The following RAD18 variants were observed in gnomAD, a reference collection of about 807,000 sequenced individuals.
RAD18 encodes the protein E3 ubiquitin-protein ligase RAD18.
Under a neutral mutation model 60.4 loss-of-function variants are expected in RAD18, and 47 were observed. The ratio of observed to expected loss-of-function variants is 0.78; its 90% confidence interval spans 0.62 to 0.99. RAD18 has a LOEUF of 0.99. Ranked by LOEUF, RAD18 falls within the 50% of genes least tolerant of loss-of-function variation. RAD18 has a pLI of 0.00. For synonymous variants in RAD18, 225 were observed against 195.5 expected (o/e 1.15, Z -1.26); for missense variants, 640 against 593.3 (o/e 1.08, Z -0.82).
Position 8,939,569 on chromosome 3 carries a change from TTCTTC to T in RAD18, c.684_688del (p.Lys229GlyfsTer19), listed in dbSNP as rs774993879. The T allele has an allele frequency of 2.5e-6, 4 of 1,612,674 alleles. No homozygotes were observed. The highest frequency in any genetic ancestry group is 3.4e-6 in the Non-Finnish European group (4 of 1,178,920). ...ACTTCCTTACCTTCTGAGGCTTTCC[TTCTTC>T]TCTTCGCGTGATAAACAGCTGTCTA... On this transcript the variant is annotated frameshift_variant, in exon 6 of 13. Coordinates refer to ENST00000264926, the MANE Select transcript of RAD18 (RefSeq NM_020165.4). LOFTEE classifies it high-confidence loss of function.
chr3:8,877,277 G>A lies in RAD18; in HGVS notation c.*4080C>T, dbSNP rs1460634993. 6.5e-6 allele frequency: 1 copy of A among 155,028 alleles called. No homozygotes were observed. Among genetic ancestry groups the A allele is most frequent in the East Asian group, 1.9e-4 (1 of 5,296 alleles). 9.6% of individuals were successfully genotyped at this position (155,028 alleles called of 1,614,324 possible). On this transcript the variant is annotated 3_prime_UTR_variant, in exon 13 of 13. Transcript: ENST00000264926. Reference sequence around the variant, plus strand: ...AAGGCACTGGCAGATTCCGTGTCTGGTGAGGACTGCTCTCTGCTTCCAAGA... The same window carrying A: ...AAGGCACTGGCAGATTCCGTGTCTGATGAGGACTGCTCTCTGCTTCCAAGA...
chr3:8,944,667 G>A (rs969298805), intron 4 of RAD18, among the ~76,000 whole-genome samples: 1 of 150,864 alleles, frequency 6.6e-6, no homozygotes, highest in Admixed American at 6.6e-5. Flanking sequence ...AGGGAGGGAG[G>A]GAGGGAGGAA....
chr3:8,887,909 A>G (rs955648154), intron 12 of RAD18, among the ~76,000 whole-genome samples: 2 of 152,190 alleles, frequency 1.3e-5, no homozygotes, highest in Non-Finnish European at 1.5e-5. Flanking sequence ...TGTGACATGC[A>G]AACTAACCAA....
intron 4 of RAD18, among the ~76,000 whole-genome samples, chr3:8,943,442 G>C (rs779918459): frequency 6.6e-6 from 1 of 151,834 alleles, no homozygotes; most frequent in Non-Finnish European, 1.5e-5. Flanking sequence ...ATCTAAATTG[G>C]ATGAGTATAA....
At chr3:8,934,716 A>G (rs1284436187) in intron 7 of RAD18, among the ~76,000 whole-genome samples, 2 of 152,214 alleles carry the variant, frequency 1.3e-5, no homozygotes, top group African/African-American at 4.8e-5. Flanking sequence ...CCATTCCTGT[A>G]TATATATATC....
At chr3:8,923,906 T>C (rs1167793202) in intron 7 of RAD18, among the ~76,000 whole-genome samples, 1 of 152,132 alleles carries the variant, frequency 6.6e-6, no homozygotes, top group African/African-American at 2.4e-5. Flanking sequence ...AAAGAGCTCC[T>C]GAAGGAAGCA....
intron 9 of RAD18, among the ~76,000 whole-genome samples, chr3:8,904,617 G>A (rs945732172): frequency 6.6e-6 from 1 of 152,284 alleles, no homozygotes; most frequent in Admixed American, 6.5e-5. Flanking sequence ...CACAAGCTAG[G>A]TGATTTCTTT....
intron 7 of RAD18, among the ~76,000 whole-genome samples, chr3:8,923,615 G>A (rs1346426683): frequency 6.6e-6 from 1 of 152,070 alleles, no homozygotes; most frequent in Non-Finnish European, 1.5e-5. Flanking sequence ...ATAATTGACA[G>A]ATTCACCAAA....
intron 7 of RAD18, among the ~76,000 whole-genome samples, chr3:8,926,520 G>A (rs149902787): frequency 4.5e-3 from 678 of 152,270 alleles, no homozygotes; most frequent in Non-Finnish European, 6.7e-3. Context: ...TCCCCATTAA[G>A]CTACCAATGA....
intron 11 of RAD18, among the ~76,000 whole-genome samples, chr3:8,894,342 G>A (rs1336357536): frequency 6.6e-6 from 1 of 152,112 alleles, no homozygotes; most frequent in Non-Finnish European, 1.5e-5. Flanking sequence ...ACTAATATAT[G>A]CAAAATCCTT....
At chr3:8,893,982 C>G (rs1939742233) in intron 11 of RAD18, among the ~76,000 whole-genome samples, 2 of 152,182 alleles carry the variant, frequency 1.3e-5, no homozygotes, top group African/African-American at 4.8e-5. Context: ...GTGTGAGCCA[C>G]CACATCCAGC....
chr3:8,917,278 G>T (rs139985150), intron 7 of RAD18, among the ~76,000 whole-genome samples: 3 of 152,286 alleles, frequency 2.0e-5, no homozygotes, highest in African/African-American at 7.2e-5. Context: ...AGTATTATTA[G>T]CAGCCCTCCA....
At chr3:8,955,265 C>T (rs1940988913) in intron 2 of RAD18, among the ~76,000 whole-genome samples, 1 of 152,094 alleles carries the variant, frequency 6.6e-6, no homozygotes, top group South Asian at 2.1e-4. Context: ...AAGAGAAACC[C>T]CCAACTTTCT....
intron 12 of RAD18, among the ~76,000 whole-genome samples, chr3:8,885,006 G>A (rs1348926394): frequency 6.6e-6 from 1 of 152,220 alleles, no homozygotes; most frequent in Admixed American, 6.5e-5. Context: ...TATTCCTGGG[G>A]AGGGCCACAG....
At chr3:8,925,084 G>C (rs1286600649) in intron 7 of RAD18, among the ~76,000 whole-genome samples, 3 of 151,268 alleles carry the variant, frequency 2.0e-5, no homozygotes, top group Non-Finnish European at 2.9e-5. Flanking sequence ...AGGAAATAGA[G>C]ACACAAAAAA....
At chr3:8,940,353 G>A (rs374060731) in intron 5 of RAD18, among the ~76,000 whole-genome samples, 2 of 152,016 alleles carry the variant, frequency 1.3e-5, no homozygotes, top group Admixed American at 6.6e-5. Context: ...AAAAGGTTCC[G>A]CTAGGGGAAA....
At chr3:8,928,832 A>G (rs1193054605) in intron 7 of RAD18, among the ~76,000 whole-genome samples, 2 of 151,270 alleles carry the variant, frequency 1.3e-5, no homozygotes, top group Non-Finnish European at 2.9e-5. Context: ...TTCACCAGGA[A>G]GACCTAACAC....
At chr3:8,909,650 A>C (rs1940073770) in intron 9 of RAD18, among the ~76,000 whole-genome samples, 1 of 152,342 alleles carries the variant, frequency 6.6e-6, no homozygotes, top group Middle Eastern at 3.4e-3. Context: ...TTTAACCTAA[A>C]GTTCTACAAA....
At chr3:8,930,995 A>C (rs1295510901) in intron 7 of RAD18, among the ~76,000 whole-genome samples, 1 of 152,196 alleles carries the variant, frequency 6.6e-6, no homozygotes, top group Non-Finnish European at 1.5e-5. Context: ...TCCACATCAC[A>C]CTGGAGGTTC....
Sources: allele counts gnomAD v4.1 joint callset (sites outside exome capture counted in the v4.1 genomes callset), GRCh38; gene constraint gnomAD v4.1.1; transcripts MANE v1.5; gene names NCBI Gene and HGNC (gene_info 2026-07-23, HGNC 2026-07-21).